IQUB: variants seen among roughly 807,000 people sequenced by gnomAD.
The protein encoded by IQUB is IQ motif and ubiquitin-like domain-containing protein.
Under a neutral mutation model 86.4 loss-of-function variants are expected in IQUB, and 86 were observed. That is an observed-to-expected ratio of 1.00 (90% CI 0.84 to 1.19). The LOEUF is 1.19. IQUB is among the 50% of genes most tolerant of loss of function. The probability of loss-of-function intolerance (pLI) is 0.00; values close to 1 mark genes in which losing one functional copy is unlikely to be tolerated. For missense variants in IQUB, 946 were observed against 916.9 expected (o/e 1.03, Z -0.41); for synonymous variants, 289 against 304.5 (o/e 0.95, Z 0.53).
intron 2 of IQUB, 99 bp downstream of exon 2, chr7:123,511,845 A>T (rs1411453917): frequency 1.1e-6 from 1 of 899,092 alleles, no homozygotes; most frequent in African/African-American, 1.7e-5. Context: ...AAGGAATATC[A>T]AATATAAAAC....
chr7:123,480,087 A>T (rs899431351), intron 7 of IQUB, 117 bp from the exon 8 acceptor site: 3 of 737,162 alleles, frequency 4.1e-6, no homozygotes, highest in Non-Finnish European at 2.1e-6. Context: ...ACACAGATAG[A>T]ATCATTTCTA....
At chr7:123,477,188 A>G (rs1182695963) in intron 8 of IQUB, among the ~76,000 whole-genome samples, 1 of 152,210 alleles carries the variant, frequency 6.6e-6, no homozygotes, top group Admixed American at 6.5e-5. Context: ...ACTTCAAACT[A>G]TACTACAAGG....
chr7:123,518,221 G>A (rs556621251), intron 1 of IQUB, among the ~76,000 whole-genome samples: 1 of 151,582 alleles, frequency 6.6e-6, no homozygotes, highest in Non-Finnish European at 1.5e-5. Flanking sequence ...TTTAGTCTCA[G>A]TCTACTTTTT....
At chr7:123,489,944 A>C (rs1795384574) in intron 7 of IQUB, among the ~76,000 whole-genome samples, 1 of 152,012 alleles carries the variant, frequency 6.6e-6, no homozygotes, top group African/African-American at 2.4e-5. Flanking sequence ...TAAATTCATA[A>C]TAGTAAACAG....
intron 7 of IQUB, among the ~76,000 whole-genome samples, chr7:123,491,660 CT>C (rs1314735081): frequency 6.6e-6 from 1 of 152,090 alleles, no homozygotes; most frequent in Admixed American, 6.6e-5. Context: ...ATGAATACCC[CT>C]ATATTTATTA....
At chr7:123,497,876 A>C (rs1424794560) in intron 6 of IQUB, among the ~76,000 whole-genome samples, 1 of 151,848 alleles carries the variant, frequency 6.6e-6, no homozygotes, top group Non-Finnish European at 1.5e-5. Flanking sequence ...CTGGAGAAGC[A>C]AGTCAGAAAA....
At chr7:123,456,565 C>G (rs1457564037) in intron 12 of IQUB, 2 of 151,852 alleles carry the variant, frequency 1.3e-5, no homozygotes, top group African/African-American at 4.8e-5. Flanking sequence ...AAAAAACAAA[C>G]AGGGAATCAC....
At chr7:123,473,696 C>A (rs1794635021) in intron 8 of IQUB, among the ~76,000 whole-genome samples, 1 of 151,692 alleles carries the variant, frequency 6.6e-6, no homozygotes, top group Non-Finnish European at 1.5e-5. Context: ...CTGCCTCAGC[C>A]TCCCGAGTAG....
In IQUB at chr7:123,496,717, A is replaced by C. The variant is rs765034152; in HGVS notation, c.1213T>G (p.Phe405Val). Residue 405 changes from phenylalanine (F) to valine (V), a missense_variant, in exon 7 of 13, where the codon TTT becomes GTT. Coordinates refer to ENST00000324698, the MANE Select transcript of IQUB (RefSeq NM_178827.5). ...HNPKTNEDFE[F>V]LYNALEFWRQ... The stretch of plus-strand genomic sequence containing the variant: ...TTACATTCTAATGCATTATAAAGAA[A>C]TTCAAAATCTTCATTTGTTTTAGGA... 1.2e-6 allele frequency: 2 copies of C among 1,603,906 alleles called. No homozygotes were observed.
At chr7:123,492,975 T>C (rs1279152851) in intron 7 of IQUB, among the ~76,000 whole-genome samples, 1 of 152,200 alleles carries the variant, frequency 6.6e-6, no homozygotes, top group Admixed American at 6.5e-5. Flanking sequence ...ATCTCTCTTG[T>C]ATTCTCTACT....
chr7:123,453,507 A>G (rs1394063454), intron 12 of IQUB, among the ~76,000 whole-genome samples: 2 of 151,622 alleles, frequency 1.3e-5, no homozygotes, highest in African/African-American at 4.8e-5. Flanking sequence ...AGACTCACCT[A>G]TCAAGCACCT....
At position 123,531,088 on chromosome 7, in the gene IQUB, C is replaced by T. The variant is rs571742251; in HGVS notation, c.-5+3404G>A. 2.7e-3 allele frequency among the ~76,000 whole-genome samples: 409 copies of T among 152,128 alleles called. 1 individual carries two copies. Among genetic ancestry groups the T allele is most frequent in the Middle Eastern group, 0.017 (5 of 294 alleles). On this transcript the variant is annotated intron_variant, in intron 1 of 12. Transcript: ENST00000324698. ...ATCACAGAGTGCATTAGGTTCGGAT[C>T]CATAATCAAATTGGAAAAAAAGAAA...
intron 8 of IQUB, among the ~76,000 whole-genome samples, chr7:123,478,748 C>A (rs377493859): frequency 6.6e-6 from 1 of 151,902 alleles, no homozygotes; most frequent in Non-Finnish European, 1.5e-5. Context: ...CTGGAGCAAC[C>A]GAGTAGATGA....
At chr7:123,466,194 T>C (rs1175145525) in intron 9 of IQUB, among the ~76,000 whole-genome samples, 1 of 152,132 alleles carries the variant, frequency 6.6e-6, no homozygotes, top group Non-Finnish European at 1.5e-5. Flanking sequence ...CAGCCATAAA[T>C]GAATAGAGTC....
In IQUB at chr7:123,464,960, T is replaced by C. The variant is rs778199134; in HGVS notation, c.1631A>G (p.Glu544Gly). 3.1e-6 allele frequency: 5 copies of C among 1,599,914 alleles called. No individual in the cohort carries two copies. In the Admixed American group the frequency reaches 8.7e-5, roughly 28 times the overall value. The change falls in exon 10 of 13, where the codon GAG (glutamate) becomes GGG (glycine). Residue 544 changes from glutamate to glycine, a missense_variant. Transcript: ENST00000324698. ...TQEILELIDREVDLMMRGVKH... is the reference protein window; with the variant it reads ...TQEILELIDRGVDLMMRGVKH... ...GACTCCTCTCATCATAAGGTCAACC[T>C]CTCTGTCAATCAATTCTAGAATTTC...
chr7:123,522,113 C>A (rs1326816145), intron 1 of IQUB, among the ~76,000 whole-genome samples: 1 of 152,116 alleles, frequency 6.6e-6, no homozygotes, highest in Non-Finnish European at 1.5e-5. Flanking sequence ...CAGACCATTT[C>A]TCAGGGTTCT....
intron 6 of IQUB, chr7:123,502,025 TTG>T (rs1163486123): frequency 1.3e-5 from 2 of 152,388 alleles, no homozygotes; most frequent in African/African-American, 4.8e-5. Context: ...CACTACAAGT[TTG>T]TCTCTAAAGG....
At chr7:123,481,914 A>C (rs1052420514) in intron 7 of IQUB, among the ~76,000 whole-genome samples, 2 of 152,114 alleles carry the variant, frequency 1.3e-5, no homozygotes, top group Non-Finnish European at 1.5e-5. Context: ...GATTATACAG[A>C]TATTTTTCTG....
chr7:123,522,635 T>C (rs893460223), intron 1 of IQUB, among the ~76,000 whole-genome samples: 2 of 152,218 alleles, frequency 1.3e-5, no homozygotes, highest in Admixed American at 6.5e-5. Context: ...AAATGGCTAA[T>C]GATAATTATA....
Sources: allele counts gnomAD v4.1 joint callset (sites outside exome capture counted in the v4.1 genomes callset), GRCh38; gene constraint gnomAD v4.1.1; transcripts MANE v1.5; gene names NCBI Gene and HGNC (gene_info 2026-07-23, HGNC 2026-07-21).